GABBR2: variants seen among roughly 807,000 people sequenced by gnomAD.
The protein encoded by GABBR2 is gamma-aminobutyric acid type B receptor subunit 2.
A neutral mutation model predicts 105.6 loss-of-function variants in GABBR2; 23 were observed. The ratio of observed to expected loss-of-function variants is 0.22; its 90% CI spans 0.16 to 0.31. The LOEUF is 0.31. Ranked by LOEUF, GABBR2 falls within the 10% of genes least tolerant of loss-of-function variation. The pLI is 1.00. For synonymous variants in GABBR2, 478 were observed against 499.7 expected, an observed-to-expected ratio of 0.96 and a Z score of 0.58; for missense variants, 734 against 1,245.5, an observed-to-expected ratio of 0.59 and a Z score of 6.18.
chr9:98,698,789 C>T (rs1263913705), intron 1 of GABBR2, among the ~76,000 whole-genome samples: 9 of 152,164 alleles, frequency 5.9e-5, no homozygotes, highest in Non-Finnish European at 1.3e-4. Flanking sequence ...TGAGCCACTG[C>T]ACCCAGCCTT....
intron 1 of GABBR2, among the ~76,000 whole-genome samples, chr9:98,605,096 A>G (rs1297901696): frequency 6.6e-6 from 1 of 152,228 alleles, no homozygotes; most frequent in Non-Finnish European, 1.5e-5. Flanking sequence ...GCAAGGCCAA[A>G]AGGCAGAACA....
At chr9:98,677,777 A>G (rs1830494267) in intron 1 of GABBR2, among the ~76,000 whole-genome samples, 1 of 152,018 alleles carries the variant, frequency 6.6e-6, no homozygotes, top group Non-Finnish European at 1.5e-5. Context: ...CAGGGCCTGC[A>G]GTGGCTCTCC....
At chr9:98,512,668 G>C (rs1417678174) in intron 3 of GABBR2, among the ~76,000 whole-genome samples, 1 of 151,986 alleles carries the variant, frequency 6.6e-6, no homozygotes, top group African/African-American at 2.4e-5. Context: ...GCTTCAAAGA[G>C]AATAAAATAC....
At chr9:98,324,330 C>G (rs7019826) in intron 13 of GABBR2, among the ~76,000 whole-genome samples, 1 of 152,112 alleles carries the variant, frequency 6.6e-6, no homozygotes, top group Non-Finnish European at 1.5e-5. Flanking sequence ...CCTGGTGTAA[C>G]GGACAGCCAT....
At chr9:98,387,634 C>T (rs866439946) in intron 10 of GABBR2, among the ~76,000 whole-genome samples, 3 of 151,998 alleles carry the variant, frequency 2.0e-5, no homozygotes, top group South Asian at 2.1e-4. Context: ...GCCAAACAAA[C>T]AACAAAATAA....
At chr9:98,487,790 C>A (rs961163176) in intron 4 of GABBR2, among the ~76,000 whole-genome samples, 1 of 151,900 alleles carries the variant, frequency 6.6e-6, no homozygotes, top group Non-Finnish European at 1.5e-5. Flanking sequence ...CTCCCCCAGT[C>A]CCCCAAAAAA....
At chr9:98,374,641 T>G (rs74330022) in intron 11 of GABBR2, among the ~76,000 whole-genome samples, 3,260 of 152,270 alleles carry the variant, frequency 0.021, 122 homozygotes, top group African/African-American at 0.074. Flanking sequence ...ACCCTGGGCG[T>G]GTCATCTCTA....
chr9:98,409,806 A>G (rs1238487899), intron 7 of GABBR2, among the ~76,000 whole-genome samples: 1 of 151,972 alleles, frequency 6.6e-6, no homozygotes, highest in Admixed American at 6.6e-5. Flanking sequence ...TCACATTTTG[A>G]CTTCTCCCGC....
chr9:98,320,259 A>G (rs1370534562), intron 13 of GABBR2, among the ~76,000 whole-genome samples: 2 of 151,818 alleles, frequency 1.3e-5, no homozygotes, highest in Non-Finnish European at 2.9e-5. Flanking sequence ...AGAGAAATGC[A>G]AATCAAAACG....
At chr9:98,485,712 CTTT>C (rs1254371939) in intron 4 of GABBR2, among the ~76,000 whole-genome samples, 1 of 152,230 alleles carries the variant, frequency 6.6e-6, no homozygotes, top group Non-Finnish European at 1.5e-5. Context: ...ATTATGCTCA[CTTT>C]GGAAAGATTC....
At chr9:98,645,071 G>A (rs1485856444) in intron 1 of GABBR2, among the ~76,000 whole-genome samples, 1 of 152,114 alleles carries the variant, frequency 6.6e-6, no homozygotes, top group Non-Finnish European at 1.5e-5. Flanking sequence ...ATTCATTCTG[G>A]ACAGCTTTCC....
rs1039182905 is a variant in GABBR2 at position 98,524,455 on chromosome 9, TAA to T, written c.630+17416_630+17417del. Among the ~76,000 whole-genome samples, 6 of 152,224 alleles carry T rather than the reference TAA, an allele frequency of 3.9e-5. 1 individual carries two copies. Among genetic ancestry groups the T allele is most frequent in the African/African-American group, 1.4e-4 (6 of 41,452 alleles). ...AGTGGAATGCCAATATGGTTTAATG[TAA>T]ATATGAATGCCAGACCCATTTATCC... is the stretch of plus-strand genomic sequence containing the variant. On this transcript the variant is annotated intron_variant, in intron 3 of 18. Transcript: ENST00000259455.
chr9:98,631,990 C>T (rs532368215), intron 1 of GABBR2, among the ~76,000 whole-genome samples: 1 of 152,220 alleles, frequency 6.6e-6, no homozygotes, highest in Non-Finnish European at 1.5e-5. Context: ...AGCAAATACT[C>T]AGCACTTTCA....
intron 4 of GABBR2, among the ~76,000 whole-genome samples, chr9:98,489,018 A>G (rs538830402): frequency 6.6e-5 from 10 of 152,272 alleles, no homozygotes; most frequent in African/African-American, 2.2e-4. Context: ...CAGATAGTAA[A>G]TATTTTTGGT....
intron 8 of GABBR2, among the ~76,000 whole-genome samples, chr9:98,401,309 G>A (rs1019335936): frequency 2.6e-5 from 4 of 152,170 alleles, no homozygotes; most frequent in Non-Finnish European, 5.9e-5. Context: ...ACATGAGAGG[G>A]AATGAGTTCC....
intron 12 of GABBR2, among the ~76,000 whole-genome samples, chr9:98,366,428 AT>A (rs1172628395): frequency 6.6e-6 from 1 of 152,178 alleles, no homozygotes; most frequent in Admixed American, 6.5e-5. Flanking sequence ...TCATGTGCAT[AT>A]TTGTCTATGG....
At chr9:98,652,941 C>T (rs1830130094) in intron 1 of GABBR2, among the ~76,000 whole-genome samples, 1 of 152,212 alleles carries the variant, frequency 6.6e-6, no homozygotes. Flanking sequence ...AGATACTGAC[C>T]TCATTGGTGT....
chr9:98,567,708 G>C (rs1315087690), intron 2 of GABBR2, among the ~76,000 whole-genome samples: 1 of 152,196 alleles, frequency 6.6e-6, no homozygotes, highest in Non-Finnish European at 1.5e-5. Flanking sequence ...GGGTGGACGG[G>C]ATTACCTCCT....
chr9:98,534,544 C>T (rs927920907), intron 3 of GABBR2, among the ~76,000 whole-genome samples: 6 of 152,170 alleles, frequency 3.9e-5, no homozygotes, highest in Middle Eastern at 3.2e-3. Context: ...ACATTGAATC[C>T]TCCCAACAAC....
Sources: gnomAD v4.1 joint callset for allele counts (sites outside exome capture counted in the v4.1 genomes callset) on GRCh38, gnomAD v4.1.1 for gene constraint, MANE v1.5 for transcripts, NCBI Gene and HGNC (gene_info 2026-07-23, HGNC 2026-07-21) for gene names.